The following ALG12 variants were observed in gnomAD, a reference collection of about 807,000 sequenced individuals.
ALG12 encodes dol-P-Man:Man(7)GlcNAc(2)-PP-Dol alpha-1,6-mannosyltransferase.
ALG12 carries 36 observed loss-of-function variants against 46.0 expected under a neutral mutation model. The observed-to-expected ratio is 0.78, with a 90% CI of 0.60 to 1.03. ALG12 has a LOEUF of 1.03. Ranked by LOEUF, ALG12 falls within the 50% of genes least tolerant of loss-of-function variation. The probability of loss-of-function intolerance (pLI) is 0.00; values close to 1 mark genes in which losing one functional copy is unlikely to be tolerated. For synonymous variants in ALG12, 326 were observed against 291.6 expected, an observed-to-expected ratio of 1.12 and a Z score of -1.20; for missense variants, 599 against 633.5, an observed-to-expected ratio of 0.95 and a Z score of 0.58.
chr22:49,907,986 G>A (rs372637146), intron 6 of ALG12, 42 bp from the exon 7 acceptor site: 205 of 1,588,194 alleles, frequency 1.3e-4, no homozygotes, highest in Non-Finnish European at 1.8e-4. Context: ...GTCCACGCAT[G>A]AGCCCGTGGG....
the ALG12 span, chr22:49,884,225 T>A: frequency 6.2e-7 from 1 of 1,602,802 alleles, no homozygotes; most frequent in Non-Finnish European, 8.5e-7. Flanking sequence ...CCCTCACTCC[T>A]GCTTCCACCA....
the ALG12 span, chr22:49,884,564 A>C: frequency 3.1e-6 from 5 of 1,612,720 alleles, no homozygotes; most frequent in Non-Finnish European, 1.7e-6. Flanking sequence ...CCACTGGACA[A>C]CTCCAAAGCT....
the ALG12 span, among the ~76,000 whole-genome samples, chr22:49,866,877 T>C: frequency 1.3e-5 from 2 of 152,252 alleles, no homozygotes; most frequent in African/African-American, 4.8e-5. Flanking sequence ...TGGCGGCTCT[T>C]GAACGGTGGC....
the ALG12 span, among the ~76,000 whole-genome samples, chr22:49,871,128 A>T: frequency 2.2e-4 from 4 of 18,286 alleles, no homozygotes. Flanking sequence ...TTTAGTAGAG[A>T]TGGGGTTTCA....
At chr22:49,867,077 A>C in the ALG12 span, among the ~76,000 whole-genome samples, 2 of 152,186 alleles carry the variant, frequency 1.3e-5, no homozygotes, top group African/African-American at 4.8e-5. Flanking sequence ...CTTCAGCTGC[A>C]TCTCATCCAT....
At chr22:49,885,876 C>T in the ALG12 span, 2 of 1,292,272 alleles carry the variant, frequency 1.5e-6, no homozygotes, top group Non-Finnish European at 2.2e-6. Flanking sequence ...GGATGAGTAA[C>T]CAGACCCGTG....
rs140468943 is a variant in ALG12 at position 49,913,708 on chromosome 22, C to T, written c.58G>A (p.Val20Ile). ...RPLLLGLLVA[V>I]ATVHLVICPY... The stretch of plus-strand genomic sequence containing the variant: ...CAGATGACCAGGTGGACAGTGGCTA[C>T]GGCCACCAGCAGCCCCAGCAGCAGG... Residue 20 changes from valine to isoleucine, a missense_variant, in exon 2 of 10, where the codon GTA becomes ATA. Physicochemically the swap from Val to Ile is conservative, Grantham distance 29. Coordinates refer to ENST00000330817, the MANE Select transcript of ALG12 (RefSeq NM_024105.4). 26 of 1,612,390 alleles carry T rather than the reference C, an allele frequency of 1.6e-5. No homozygotes were observed. Among genetic ancestry groups the T allele is most frequent in the African/African-American group, 1.2e-4 (9 of 75,044 alleles).
chr22:49,875,630 A>T, the ALG12 span, among the ~76,000 whole-genome samples: 2 of 152,144 alleles, frequency 1.3e-5, no homozygotes, highest in Non-Finnish European at 2.9e-5. Flanking sequence ...CATGTTGGCC[A>T]GGCTGGTCTC....
chr22:49,867,886 A>G, the ALG12 span, among the ~76,000 whole-genome samples: 3 of 152,370 alleles, frequency 2.0e-5, no homozygotes, highest in South Asian at 6.2e-4. Flanking sequence ...AGACACTTAC[A>G]TGAGCCCACA....
chr22:49,864,726 C>T, the ALG12 span, among the ~76,000 whole-genome samples: 2 of 136,644 alleles, frequency 1.5e-5, no homozygotes, highest in East Asian at 2.4e-4. Context: ...GAGGCTGAGG[C>T]GGGAGGATTG....
downstream of ALG12, among the ~76,000 whole-genome samples, chr22:49,896,403 G>A (rs1230911341): frequency 4.6e-5 from 7 of 152,330 alleles, no homozygotes; most frequent in South Asian, 8.3e-4. Context: ...GTGGGTGAGG[G>A]AGGAGAGGCC....
At chr22:49,911,627 G>A (rs946133808) in intron 3 of ALG12, among the ~76,000 whole-genome samples, 2 of 152,114 alleles carry the variant, frequency 1.3e-5, no homozygotes, top group African/African-American at 4.8e-5. Context: ...TAGAGACAAG[G>A]TTTCCCATGT....
chr22:49,874,179 C>T, the ALG12 span, among the ~76,000 whole-genome samples: 4 of 152,230 alleles, frequency 2.6e-5, no homozygotes, highest in Non-Finnish European at 4.4e-5. Context: ...TAGAATATGC[C>T]GAGGGGAAGC....
At chr22:49,894,371 T>G in the ALG12 span, among the ~76,000 whole-genome samples, 2 of 152,216 alleles carry the variant, frequency 1.3e-5, no homozygotes, top group Non-Finnish European at 2.9e-5. Flanking sequence ...ATATTAAATG[T>G]AAGTGGAATG....
chr22:49,873,675 G>A, the ALG12 span, among the ~76,000 whole-genome samples: 5 of 141,538 alleles, frequency 3.5e-5, no homozygotes, highest in African/African-American at 1.6e-4. Context: ...GCAGTAAAGC[G>A]AGGTGCGGTG....
the ALG12 span, chr22:49,886,422 G>C: frequency 6.3e-7 from 1 of 1,594,014 alleles, no homozygotes; most frequent in Non-Finnish European, 8.6e-7. This position sits in a 1 kb window ranked among gnomAD's most constrained non-coding sequence, Gnocchi z 7.7. Flanking sequence ...ACTTCCGAGA[G>C]CTGATCAGCT....
chr22:49,867,859 C>G, the ALG12 span, among the ~76,000 whole-genome samples: 1 of 152,208 alleles, frequency 6.6e-6, no homozygotes, highest in African/African-American at 2.4e-5. Context: ...TTAGTCCAGC[C>G]CCCCTCAAAT....
At chr22:49,884,073 G>A in the ALG12 span, 2 of 1,610,294 alleles carry the variant, frequency 1.2e-6, no homozygotes, top group Non-Finnish European at 1.7e-6. Flanking sequence ...CAATATGCAT[G>A]TACTGTGTGA....
chr22:49,885,645 C>T, the ALG12 span: 1 of 1,612,668 alleles, frequency 6.2e-7, no homozygotes, highest in South Asian at 1.1e-5. Flanking sequence ...TCACAAGTCT[C>T]ATAGCTGAAA....
Sources: gnomAD v4.1 joint callset for allele counts (sites outside exome capture counted in the v4.1 genomes callset) on GRCh38, gnomAD v4.1.1 for gene constraint, Gnocchi (gnomAD v3.1) non-coding constraint, MANE v1.5 for transcripts, NCBI Gene and HGNC (gene_info 2026-07-23, HGNC 2026-07-21) for gene names.